The following PLD5 variants were observed in gnomAD, a reference collection of about 807,000 sequenced individuals.
The protein encoded by PLD5 is phospholipase D family member 5, also known as inactive phospholipase D5.
A neutral mutation model predicts 61.1 loss-of-function variants in PLD5; 36 were observed. The observed-to-expected ratio is 0.59, with a 90% CI of 0.45 to 0.78. The LOEUF (loss-of-function observed/expected upper bound fraction) is 0.78, where lower values mean the gene tolerates loss of function less well. Ranked by LOEUF, PLD5 falls within the 30% of genes least tolerant of loss-of-function variation. The pLI is 0.00. For missense variants in PLD5, 515 were observed against 644.4 expected, an observed-to-expected ratio of 0.80 and a Z score of 2.17; for synonymous variants, 243 against 242.8, an observed-to-expected ratio of 1.00 and a Z score of -0.01.
chr1:242,407,912 GAA>G (rs59790246), intron 1 of PLD5, among the ~76,000 whole-genome samples: 25,019 of 152,060 alleles, frequency 0.16, 2,334 homozygotes, highest in African/African-American at 0.26. Context: ...GGGAAGCAAA[GAA>G]TACATATTTT....
intron 5 of PLD5, chr1:242,178,194 C>T (rs1489683760): frequency 1.3e-5 from 2 of 152,176 alleles, no homozygotes; most frequent in African/African-American, 4.8e-5. Context: ...CTATTGTGAT[C>T]GCCCATATAT....
intron 4 of PLD5, among the ~76,000 whole-genome samples, chr1:242,245,490 G>A (rs1315150724): frequency 1.3e-5 from 2 of 152,190 alleles, no homozygotes; most frequent in South Asian, 2.1e-4. Context: ...GGGATGCAGC[G>A]GCGTAGGCTC....
intron 1 of PLD5, among the ~76,000 whole-genome samples, chr1:242,378,757 C>A (rs1662112718): frequency 6.6e-6 from 1 of 152,116 alleles, no homozygotes; most frequent in Admixed American, 6.6e-5. Context: ...ATGAGAATCA[C>A]TTGAACCTGG....
chr1:242,267,868 T>C (rs1673789796), intron 3 of PLD5, among the ~76,000 whole-genome samples: 1 of 135,904 alleles, frequency 7.4e-6, no homozygotes, highest in African/African-American at 2.8e-5. Flanking sequence ...GCAACACAGC[T>C]AGACCCCATC....
chr1:242,163,476 G>C lies in PLD5; in HGVS notation c.736-38811C>G, dbSNP rs553983509. Among the ~76,000 whole-genome samples the C allele has an allele frequency of 1.4e-4, 21 of 152,272 alleles. 1 individual carries two copies. In the South Asian group the frequency reaches 4.4e-3, roughly 32 times the overall value. Reference sequence around the variant, plus strand: ...GTCTTAATTGCTGTCATTGAGAAGAGAGAAATCCTGTGTGGATTTTATTGT... The same window carrying C: ...GTCTTAATTGCTGTCATTGAGAAGACAGAAATCCTGTGTGGATTTTATTGT... On this transcript the variant is annotated intron_variant, in intron 5 of 9. Coordinates refer to ENST00000536534, the MANE Select transcript of PLD5 (RefSeq NM_001372062.1).
chr1:242,199,302 TG>T (rs1394918138), intron 5 of PLD5, among the ~76,000 whole-genome samples: 4 of 152,154 alleles, frequency 2.6e-5, no homozygotes, highest in Non-Finnish European at 5.9e-5. Flanking sequence ...TCACCTAGGC[TG>T]GAGTGCAGTG....
chr1:242,249,634 A>C (rs1398294527), intron 4 of PLD5, among the ~76,000 whole-genome samples: 1 of 152,254 alleles, frequency 6.6e-6, no homozygotes, highest in African/African-American at 2.4e-5. Flanking sequence ...GGATGAGTGA[A>C]GAACTTAGAA....
chr1:242,175,971 G>A (rs1342737218), intron 5 of PLD5, among the ~76,000 whole-genome samples: 1 of 152,118 alleles, frequency 6.6e-6, no homozygotes, highest in Non-Finnish European at 1.5e-5. Context: ...CCATGCTCAT[G>A]GATGGGAAGA....
At chr1:242,398,292 C>G (rs77105111) in intron 1 of PLD5, among the ~76,000 whole-genome samples, 2,708 of 152,270 alleles carry the variant, frequency 0.018, 46 homozygotes, top group African/African-American at 0.038. Flanking sequence ...GTTCCACAGA[C>G]TCAGTAGAGC....
chr1:242,146,045 G>A (rs1389223417), intron 5 of PLD5, among the ~76,000 whole-genome samples: 1 of 152,196 alleles, frequency 6.6e-6, no homozygotes, highest in Non-Finnish European at 1.5e-5. Flanking sequence ...TTAAAGTTGA[G>A]CAGGGGTCAG....
chr1:242,404,047 C>A (rs1664089495), intron 1 of PLD5, among the ~76,000 whole-genome samples: 2 of 152,140 alleles, frequency 1.3e-5, no homozygotes, highest in African/African-American at 4.8e-5. Context: ...AAATAGCAGG[C>A]CTTATGCCAG....
intron 5 of PLD5, among the ~76,000 whole-genome samples, chr1:242,149,059 A>G (rs1361090977): frequency 2.6e-5 from 4 of 152,014 alleles, no homozygotes; most frequent in African/African-American, 7.2e-5. Context: ...GTGCAATAGG[A>G]TTAGTGAGAA....
intron 1 of PLD5, among the ~76,000 whole-genome samples, chr1:242,466,751 G>A (rs191298286): frequency 1.3e-5 from 2 of 152,114 alleles, no homozygotes; most frequent in East Asian, 1.9e-4. Context: ...AAATTAGCCC[G>A]ACACAATGGC....
intron 6 of PLD5, among the ~76,000 whole-genome samples, chr1:242,120,490 G>A (rs1662281615): frequency 6.6e-6 from 1 of 151,978 alleles, no homozygotes; most frequent in African/African-American, 2.4e-5. Flanking sequence ...TTTATGGTGT[G>A]TAAATTACGT....
At chr1:242,287,282 G>C (rs1258766736) in intron 3 of PLD5, among the ~76,000 whole-genome samples, 1 of 152,128 alleles carries the variant, frequency 6.6e-6, no homozygotes, top group Non-Finnish European at 1.5e-5. Context: ...ATGGATCAGA[G>C]ATAAGTCCTC....
rs1668235986 is a variant in PLD5, at chr1:242,493,390, C to T, written c.189+30698G>A. Among the ~76,000 whole-genome samples the T allele has an allele frequency of 2.0e-5, 3 of 152,106 alleles. No individual in the cohort carries two copies. In the South Asian group the frequency reaches 6.2e-4, roughly 32 times the overall value. On this transcript the variant is annotated intron_variant, in intron 1 of 9. Transcript: ENST00000536534. ...TGCTGAAGCCTCGACATGCAGGGGT[C>T]AGAACAGGAGGAGAGAGGCGAGCAC...
chr1:242,155,629 G>C (rs1162244861), intron 5 of PLD5, among the ~76,000 whole-genome samples: 1 of 152,094 alleles, frequency 6.6e-6, no homozygotes, highest in Non-Finnish European at 1.5e-5. Context: ...CTCAGGAGCA[G>C]GTTATTCAGT....
At chr1:242,378,209 CACA>C (rs1375462727) in intron 1 of PLD5, among the ~76,000 whole-genome samples, 2 of 152,118 alleles carry the variant, frequency 1.3e-5, no homozygotes, top group African/African-American at 2.4e-5. Context: ...TAACACATGC[CACA>C]ACGAGTGAAC....
At chr1:242,310,412 G>A (rs1003325671) in intron 2 of PLD5, among the ~76,000 whole-genome samples, 1 of 152,020 alleles carries the variant, frequency 6.6e-6, no homozygotes, top group African/African-American at 2.4e-5. Flanking sequence ...GAACTTAGTG[G>A]GTAGTAACAG....
Sources: allele counts gnomAD v4.1 joint callset (sites outside exome capture counted in the v4.1 genomes callset), GRCh38; gene constraint gnomAD v4.1.1; transcripts MANE v1.5; gene names NCBI Gene and HGNC (gene_info 2026-07-23, HGNC 2026-07-21).